CCNB3: variants seen among roughly 807,000 people sequenced by gnomAD.
CCNB3 encodes cyclin B3.
CCNB3 carries 12 observed loss-of-function variants against 68.0 expected under a neutral mutation model. The ratio of observed to expected loss-of-function variants is 0.18; its 90% confidence interval spans 0.11 to 0.29. CCNB3 has a LOEUF of 0.29. Among genes scored for constraint, CCNB3 ranks in the 10% least tolerant of loss-of-function variants. The probability of loss-of-function intolerance (pLI) is 1.00; values close to 1 mark genes in which losing one functional copy is unlikely to be tolerated. For synonymous variants in CCNB3, 354 were observed against 388.9 expected (o/e 0.91, Z 1.06); for missense variants, 904 against 993.1 (o/e 0.91, Z 1.21).
chrX:50,203,155 A>G (rs1935292187), upstream of CCNB3, among the ~76,000 whole-genome samples: 1 of 111,724 alleles, frequency 9.0e-6, no homozygotes, highest in Non-Finnish European at 1.9e-5. Context: ...TGTTTATTCT[A>G]CCCAAACTTC....
chrX:50,316,408 T>G (rs139773826), intron 8 of CCNB3, among the ~76,000 whole-genome samples: 7,680 of 112,269 alleles, frequency 0.068, 266 homozygotes, highest in Middle Eastern at 0.17. Context: ...TACTAGTTTT[T>G]GGCTATTAAG....
rs146881500 is a variant in CCNB3 at position 50,308,819 on chromosome X, A to G, written c.650A>G (p.His217Arg). ...GAGCCAATGACTTTTAAGAAGACAC[A>G]TAAAACTGAGGAGGCAGCCATCACC... ...VIEPMTFKKTHKTEEAAITKK... is the reference protein window; with the variant it reads ...VIEPMTFKKTRKTEEAAITKK... The change falls in exon 6 of 13, where the codon CAT becomes CGT. Residue 217 changes from histidine (H) to arginine (R), a missense_variant. His to Arg is a conservative substitution (Grantham distance 29). Around this residue, in one of 2 missense-constraint regions of CCNB3, gnomAD observed 619 missense variants for 609.8 expected, o/e 1.02. Transcript: ENST00000376042. 5 of 1,210,017 alleles carry G rather than the reference A, an allele frequency of 4.1e-6. No homozygotes were observed. The highest frequency in any genetic ancestry group is 3.4e-6 in the Non-Finnish European group (3 of 895,219).
intron 1 of CCNB3, among the ~76,000 whole-genome samples, chrX:50,280,948 A>C (rs1216301151): frequency 1.8e-5 from 2 of 109,025 alleles, no homozygotes; most frequent in African/African-American, 6.7e-5. Context: ...TTTTGTAGAG[A>C]TGGGGTTTTT....
chrX:50,279,227 TA>T (rs1181550076), intron 1 of CCNB3, among the ~76,000 whole-genome samples: 3,294 of 67,049 alleles, frequency 0.049, 224 homozygotes, highest in African/African-American at 0.18. Context: ...TATTCATATA[TA>T]AATATATATG....
At chrX:50,225,412 C>A (rs1253529678) in intron 1 of CCNB3, among the ~76,000 whole-genome samples, 1 of 110,776 alleles carries the variant, frequency 9.0e-6, no homozygotes, top group Non-Finnish European at 1.9e-5. Context: ...CCTTGTAGAC[C>A]AGGGTAGGTA....
intron 1 of CCNB3, among the ~76,000 whole-genome samples, chrX:50,207,093 A>G (rs1221291913): frequency 2.7e-5 from 3 of 111,675 alleles, no homozygotes; most frequent in African/African-American, 9.8e-5. Context: ...CATCCTAAAA[A>G]CTGCATTTTT....
At chrX:50,320,143 T>C (rs782308397) in intron 8 of CCNB3, among the ~76,000 whole-genome samples, 2 of 111,101 alleles carry the variant, frequency 1.8e-5, no homozygotes, top group Non-Finnish European at 3.8e-5. Context: ...TCTTGTAAAA[T>C]AAGTTGGGAA....
chrX:50,203,069 C>A (rs1388481393), upstream of CCNB3, among the ~76,000 whole-genome samples: 1 of 111,392 alleles, frequency 9.0e-6, no homozygotes, highest in Non-Finnish European at 1.9e-5. Context: ...CCTTTAATAG[C>A]CAAATATTGA....
intron 1 of CCNB3, among the ~76,000 whole-genome samples, chrX:50,280,090 CATATAAATATATATATAGAAT>C (rs1936094478): frequency 5.6e-5 from 1 of 17,817 alleles, no homozygotes; most frequent in Non-Finnish European, 1.5e-4. Flanking sequence ...ATATGGAATA[CATATAAATATATATATAGAAT>C]ATATAAATAT....
chrX:50,205,850 A>G (rs1381260154), intron 1 of CCNB3, among the ~76,000 whole-genome samples: 3 of 107,365 alleles, frequency 2.8e-5, no homozygotes, highest in Non-Finnish European at 5.8e-5. Context: ...TGGGAGGCTA[A>G]GGCAGGAGAA....
intron 1 of CCNB3, among the ~76,000 whole-genome samples, chrX:50,207,047 G>A (rs1179633901): frequency 7.1e-5 from 8 of 111,976 alleles, no homozygotes; most frequent in African/African-American, 2.3e-4. Context: ...CCAATTAAAA[G>A]GGAAATTGGT....
intron 1 of CCNB3, among the ~76,000 whole-genome samples, chrX:50,279,666 A>ATG (rs1936062405): frequency 1.2e-5 from 1 of 86,008 alleles, no homozygotes; most frequent in African/African-American, 4.1e-5. Flanking sequence ...ATGTAAATAT[A>ATG]TGAATATGTA....
chrX:50,279,614 GTACATTCATCTATGTAAATATATGA>G (rs1936058277), intron 1 of CCNB3, among the ~76,000 whole-genome samples: 1 of 72,772 alleles, frequency 1.4e-5, no homozygotes, highest in Non-Finnish European at 2.8e-5. Flanking sequence ...ATATGCATAT[GTACATTCATCTATGTAAATATATGA>G]ATATGTACAT....
intron 5 of CCNB3, among the ~76,000 whole-genome samples, chrX:50,298,625 A>G (rs1557211648): frequency 2.7e-5 from 3 of 111,513 alleles, no homozygotes; most frequent in African/African-American, 6.5e-5. Context: ...AGGCTTTGGT[A>G]TCAGAATGAT....
In CCNB3 at chrX:50,226,637, A is replaced by AAT. The variant is rs1329687370; in HGVS notation, c.-113+21697_-113+21698dup. On this transcript the variant is annotated intron_variant, in intron 1 of 12. Transcript: ENST00000376042. ...AATATATATATAGAATATATCTATA[A>AAT]ATATATATATAGAATATATCTATAA... 9.1e-5 allele frequency among the ~76,000 whole-genome samples: 7 copies of AAT among 77,302 alleles called. No individual in the cohort carries two copies. The East Asian group carries it at 2.2e-3, about 25-fold the overall frequency. The allele number at this position is 77,302 out of a possible 115,157, so 67.1% of individuals were successfully genotyped here.
Position 50,285,129 on chromosome X carries a change from C to T in CCNB3, c.-35C>T. On this transcript the variant is annotated splice_region_variant and 5_prime_UTR_variant, in exon 3 of 13. Transcript: ENST00000376042. ...AAAGAGCCTCTTTCTGATTACAGCC[C>T]TGCCTTGGACAAGACGCAGCTGAAT... is the stretch of plus-strand genomic sequence containing the variant. 9.6e-7 allele frequency: 1 copy of T among 1,044,607 alleles called. No individual in the cohort carries two copies. Among genetic ancestry groups the T allele is most frequent in the Non-Finnish European group, 1.3e-6 (1 of 743,556 alleles). The allele number at this position is 1,044,607 out of a possible 1,213,427, so 86.1% of individuals were successfully genotyped here.
chrX:50,226,904 AATATATAGT>A lies in CCNB3; in HGVS notation c.-113+21962_-113+21970del, dbSNP rs1292467057. ...TATAGAATATATAGTATATATATAG[AATATATAGT>A]ATATATATAGAATATATATAGTATA... On this transcript the variant is annotated intron_variant, in intron 1 of 12. Coordinates refer to ENST00000376042, the MANE Select transcript of CCNB3 (RefSeq NM_033031.3). Among the ~76,000 whole-genome samples the A allele has an allele frequency of 8.8e-4, 48 of 54,291 alleles. 2 individuals carry two copies. The highest frequency in any genetic ancestry group is 5.1e-3 in the African/African-American group (48 of 9,494). The allele number at this position is 54,291 out of a possible 115,157, so 47.1% of individuals were successfully genotyped here. A position where few individuals can be genotyped will look rare whatever the true frequency, so the allele number is the denominator to read the frequency against.
rs184372031 is a variant in CCNB3 at position 50,205,184 on chromosome X, G to A, written c.-113+234G>A. On this transcript the variant is annotated intron_variant, in intron 1 of 12. Transcript: ENST00000376042. ...AGGCTGACCGTGGTGGCTCACGCCT[G>A]TAATCCCAGCACTTTGGGAGGCCGG... is the stretch of plus-strand genomic sequence containing the variant. Among the ~76,000 whole-genome samples the A allele has an allele frequency of 5.6e-3, 628 of 112,480 alleles. 3 individuals are homozygous for A. The highest frequency in any genetic ancestry group is 7.7e-3 in the Non-Finnish European group (412 of 53,258).
At chrX:50,227,859 T>C (rs1369077368) in intron 1 of CCNB3, among the ~76,000 whole-genome samples, 2 of 82,931 alleles carry the variant, frequency 2.4e-5, no homozygotes, top group Non-Finnish European at 4.4e-5. Flanking sequence ...TAAATATATA[T>C]GGAGAATATA....
Sources: allele counts gnomAD v4.1 joint callset (sites outside exome capture counted in the v4.1 genomes callset), GRCh38; gene constraint gnomAD v4.1.1; regional missense constraint gnomAD v4.1.1; transcripts MANE v1.5; gene names NCBI Gene and HGNC (gene_info 2026-07-23, HGNC 2026-07-21).